Variants in CTNNA2 observed in about 807,000 individuals in gnomAD.
CTNNA2 encodes the protein catenin alpha 2, also known as catenin alpha-2.
CTNNA2 carries 42 observed loss-of-function variants against 101.0 expected under a neutral mutation model. The observed-to-expected ratio is 0.42, with a 90% CI of 0.32 to 0.54. The LOEUF (loss-of-function observed/expected upper bound fraction) is 0.54. Among genes scored for constraint, CTNNA2 ranks in the 20% least tolerant of loss-of-function variants. The pLI is 0.14. For synonymous variants in CTNNA2, 450 were observed against 456.4 expected, an observed-to-expected ratio of 0.99 and a Z score of 0.18; for missense variants, 871 against 1,223.1, an observed-to-expected ratio of 0.71 and a Z score of 4.29.
In CTNNA2 at chr2:79,939,254, G is replaced by C. The variant is rs551127516; in HGVS notation, c.1056+29457G>C. On this transcript the variant is annotated intron_variant, in intron 7 of 18. Coordinates refer to ENST00000402739, the MANE Select transcript of CTNNA2 (RefSeq NM_001282597.3). ...GTGCCTGATTGTGTAGACATGGGTAGCTGAAGTAGCTTGTAGCATCTGACT... is the reference window on the plus strand; with the variant it reads ...GTGCCTGATTGTGTAGACATGGGTACCTGAAGTAGCTTGTAGCATCTGACT... Among the ~76,000 whole-genome samples, 642 of 152,314 alleles carry C rather than the reference G, an allele frequency of 4.2e-3. 2 individuals are homozygous for C. Among genetic ancestry groups the C allele is most frequent in the African/African-American group, 0.015 (612 of 41,560 alleles).
intron 9 of CTNNA2, among the ~76,000 whole-genome samples, chr2:80,458,217 A>C (rs7560190): frequency 0.28 from 42,277 of 152,076 alleles, 7,098 homozygotes; most frequent in East Asian, 0.67. Flanking sequence ...TCAGTTGATA[A>C]GTTACCTCTG....
At chr2:80,330,061 T>C (rs1169459364) in intron 7 of CTNNA2, among the ~76,000 whole-genome samples, 2 of 152,244 alleles carry the variant, frequency 1.3e-5, no homozygotes, top group Non-Finnish European at 2.9e-5. Flanking sequence ...GGTCCCTTCC[T>C]ACCAGAACCA....
intron 7 of CTNNA2, among the ~76,000 whole-genome samples, chr2:79,938,740 C>T (rs192394794): frequency 1.9e-3 from 284 of 152,180 alleles, no homozygotes; most frequent in African/African-American, 6.3e-3. Flanking sequence ...ATCTAGAACA[C>T]TTTAGGGCAC....
intron 2 of CTNNA2, among the ~76,000 whole-genome samples, chr2:79,217,074 T>C (rs1674273613): frequency 6.6e-6 from 1 of 151,820 alleles, no homozygotes. Context: ...AAGGGAGAGA[T>C]TGAAGGGTGG....
At chr2:80,353,298 A>T (rs1333432496) in intron 7 of CTNNA2, among the ~76,000 whole-genome samples, 1 of 152,124 alleles carries the variant, frequency 6.6e-6, no homozygotes, top group African/African-American at 2.4e-5. Flanking sequence ...TGACAATATA[A>T]GACTGGATAC....
intron 7 of CTNNA2, among the ~76,000 whole-genome samples, chr2:80,207,431 G>T (rs1707600915): frequency 1.3e-5 from 2 of 152,184 alleles, no homozygotes; most frequent in Admixed American, 1.3e-4. Context: ...AAACCGCATG[G>T]AGACTGGAGT....
intron 2 of CTNNA2, among the ~76,000 whole-genome samples, chr2:79,311,884 C>A (rs973817162): frequency 6.6e-6 from 1 of 152,084 alleles, no homozygotes; most frequent in African/African-American, 2.4e-5. Context: ...GCGTTTTCTC[C>A]TAAGGGCAGT....
chr2:79,687,470 A>G, intron 2 of CTNNA2: 1 of 546,046 alleles, frequency 1.8e-6, no homozygotes, highest in Non-Finnish European at 3.3e-6. Flanking sequence ...CCTTCAGATA[A>G]TTTTGATTAG....
chr2:80,194,680 C>A (rs112806496), intron 7 of CTNNA2, among the ~76,000 whole-genome samples: 1 of 150,126 alleles, frequency 6.7e-6, no homozygotes, highest in African/African-American at 2.4e-5. Context: ...AGGAGACAGG[C>A]GATTTTTTAT....
At chr2:79,418,639 T>C (rs1573157209) in intron 4 of CTNNA2, among the ~76,000 whole-genome samples, 1 of 152,092 alleles carries the variant, frequency 6.6e-6, no homozygotes, top group Admixed American at 6.6e-5. Flanking sequence ...CATCAGTATC[T>C]TTATCCAGAG....
chr2:79,312,071 TA>T lies in CTNNA2; in HGVS notation c.-405-625del, dbSNP rs397969522. Among the ~76,000 whole-genome samples the T allele has an allele frequency of 5.3e-4, 78 of 146,070 alleles. 1 individual carries two copies. Among genetic ancestry groups the T allele is most frequent in the Middle Eastern group, 6.9e-3 (2 of 288 alleles). ...GCACATGCTACCATGCATGGCTGTTTAAAAAAAAAAAAATTGTAGAGACAGG... is the reference window on the plus strand; with the variant it reads ...GCACATGCTACCATGCATGGCTGTTTAAAAAAAAAAAATTGTAGAGACAGG... On this transcript the variant is annotated intron_variant, in intron 2 of 21. Coordinates refer to the CTNNA2 transcript ENST00000466387.
chr2:79,926,534 T>C (rs17261202), intron 7 of CTNNA2, among the ~76,000 whole-genome samples: 13,814 of 152,094 alleles, frequency 0.091, 718 homozygotes, highest in East Asian at 0.21. Flanking sequence ...GCAGAACGAA[T>C]GCTTACCCAC....
At chr2:79,964,564 G>C (rs1689892151) in intron 7 of CTNNA2, among the ~76,000 whole-genome samples, 1 of 152,094 alleles carries the variant, frequency 6.6e-6, no homozygotes, top group African/African-American at 2.4e-5. Flanking sequence ...GTGGGTTCTA[G>C]TTTATGAAAA....
At chr2:80,476,783 C>T (rs1328295979) in intron 9 of CTNNA2, among the ~76,000 whole-genome samples, 2 of 152,092 alleles carry the variant, frequency 1.3e-5, no homozygotes, top group Non-Finnish European at 2.9e-5. Flanking sequence ...AAATAGAATG[C>T]CCTCCAAGGA....
At chr2:79,676,806 T>C (rs1683215545) in intron 2 of CTNNA2, among the ~76,000 whole-genome samples, 1 of 152,206 alleles carries the variant, frequency 6.6e-6, no homozygotes. Flanking sequence ...ATGTGAGAAA[T>C]TGTGAAAAGC....
intron 9 of CTNNA2, among the ~76,000 whole-genome samples, chr2:80,509,027 A>C (rs1394910986): frequency 2.0e-5 from 3 of 152,158 alleles, no homozygotes; most frequent in Non-Finnish European, 4.4e-5. Flanking sequence ...CTGTGGATCA[A>C]ACCAAGCAGC....
rs72914639 is a variant in CTNNA2, at chr2:79,804,286, T to C, written c.299-53727T>C. On this transcript the variant is annotated intron_variant, in intron 3 of 18. Transcript: ENST00000402739. ...TTCCTAAAATAGTATGTATATCTTTTAACATATACCAAACTGCTAGAAAAT... is the reference window on the plus strand; with the variant it reads ...TTCCTAAAATAGTATGTATATCTTTCAACATATACCAAACTGCTAGAAAAT... 7.3e-3 allele frequency among the ~76,000 whole-genome samples: 1,117 copies of C among 152,338 alleles called. 13 individuals carry two copies. The highest frequency in any genetic ancestry group is 0.025 in the African/African-American group (1,040 of 41,586).
chr2:80,360,905 A>G (rs1416697900), intron 7 of CTNNA2, among the ~76,000 whole-genome samples: 1 of 151,738 alleles, frequency 6.6e-6, no homozygotes, highest in Non-Finnish European at 1.5e-5. Context: ...CTTGCTATTG[A>G]TTATTATTAA....
chr2:79,834,514 C>T (rs1679167333), intron 3 of CTNNA2, among the ~76,000 whole-genome samples: 1 of 151,970 alleles, frequency 6.6e-6, no homozygotes, highest in African/African-American at 2.4e-5. Flanking sequence ...AGTTGGTATG[C>T]TTTTCATATC....
Sources: allele counts gnomAD v4.1 joint callset (sites outside exome capture counted in the v4.1 genomes callset), GRCh38; gene constraint gnomAD v4.1.1; transcripts MANE v1.5; gene names NCBI Gene and HGNC (gene_info 2026-07-23, HGNC 2026-07-21).